Variants in NUDT3 observed in about 807,000 individuals in gnomAD.
The protein encoded by NUDT3 is diphosphoinositol polyphosphate phosphohydrolase 1.
In NUDT3, 9 loss-of-function variants were observed where a neutral mutation model predicts 23.6. The observed-to-expected ratio is 0.38, with a 90% CI of 0.23 to 0.66. NUDT3 has a LOEUF of 0.66. Ranked by LOEUF, NUDT3 falls within the 30% of genes least tolerant of loss-of-function variation. The pLI is 0.52. For missense variants in NUDT3, 172 were observed against 218.5 expected, an observed-to-expected ratio of 0.79 and a Z score of 1.34; for synonymous variants, 86 against 82.6, an observed-to-expected ratio of 1.04 and a Z score of -0.22.
Position 34,280,817 on chromosome 6 carries a change from G to A in NUDT3, c.*7936C>T, listed in dbSNP as rs1763271652. 1 of 152,190 alleles carries A rather than the reference G, an allele frequency of 6.6e-6. No homozygotes were observed. The highest frequency in any genetic ancestry group is 6.5e-5 in the Admixed American group (1 of 15,282). 9.4% of individuals were successfully genotyped at this position (152,190 alleles called of 1,614,324 possible). On this transcript the variant is annotated 3_prime_UTR_variant, in exon 5 of 5. Coordinates refer to ENST00000607016, the MANE Select transcript of NUDT3 (RefSeq NM_006703.4). ...TGAGCCACTGTGTGATTCCCCAGGG[G>A]ACTGGTCCCTGGGTACATGGGTCCC...
At chr6:34,336,995 T>C (rs1764218014) in intron 2 of NUDT3, among the ~76,000 whole-genome samples, 1 of 152,206 alleles carries the variant, frequency 6.6e-6, no homozygotes, top group African/African-American at 2.4e-5. Flanking sequence ...AAAACATCTA[T>C]CAACATTTCA....
chr6:34,344,033 C>T (rs1764327777), intron 1 of NUDT3, among the ~76,000 whole-genome samples: 1 of 152,134 alleles, frequency 6.6e-6, no homozygotes, highest in South Asian at 2.1e-4. Context: ...AACCAAACAG[C>T]ATAAGAAGTG....
rs1268010178 is a variant in NUDT3, at chr6:34,297,755, A to T, written c.211-2070T>A. 2.4e-3 allele frequency among the ~76,000 whole-genome samples: 216 copies of T among 90,364 alleles called. 4 individuals carry two copies. The highest frequency in any genetic ancestry group is 7.1e-3 in the South Asian group (20 of 2,804). 59.3% of individuals were successfully genotyped at this position (90,364 alleles called of 152,430 possible). On this transcript the variant is annotated intron_variant, in intron 2 of 4. Transcript: ENST00000607016. ...AATATATATATATATATATATATAT[A>T]TATAATTTTTTTTTTTTTTTTAGTA...
At chr6:34,317,373 G>C (rs1461977037) in intron 2 of NUDT3, among the ~76,000 whole-genome samples, 1 of 151,790 alleles carries the variant, frequency 6.6e-6, no homozygotes, top group East Asian at 1.9e-4. Flanking sequence ...AAAGCCTCCA[G>C]ATTGGGAGAG....
Position 34,341,930 on chromosome 6 carries a change from C to T in NUDT3, c.142G>A (p.Val48Ile). 1 of 1,614,096 alleles carries T rather than the reference C, an allele frequency of 6.2e-7. No individual in the cohort carries two copies. Among genetic ancestry groups the T allele is most frequent in the Non-Finnish European group, 8.5e-7 (1 of 1,179,974 alleles). ...SSSRHPDRWI[V>I]PGGGMEPEEE... ...TCGGGCTCCATGCCTCCTCCAGGGA[C>T]AATCCATCTGTCTGGATGGCGACTA... The change falls in exon 2 of 5, where the codon GTC becomes ATC. Residue 48 changes from valine to isoleucine, a missense_variant. Val to Ile is a conservative substitution (Grantham distance 29, BLOSUM62 3). This residue lies in a region of NUDT3 where 59 missense variants were observed against 107.4 expected (regional missense o/e 0.55). Transcript: ENST00000607016.
chr6:34,327,157 A>AG (rs1047486617), intron 2 of NUDT3, among the ~76,000 whole-genome samples: 1 of 152,086 alleles, frequency 6.6e-6, no homozygotes, highest in Non-Finnish European at 1.5e-5. Flanking sequence ...ATCATAGGAC[A>AG]GGGGGCCCTT....
intron 2 of NUDT3, among the ~76,000 whole-genome samples, chr6:34,337,939 A>G (rs1357597719): frequency 3.9e-5 from 6 of 152,230 alleles, no homozygotes; most frequent in Non-Finnish European, 1.5e-5. Context: ...AGCACCTTAG[A>G]ACCTACAGAA....
At chr6:34,358,262 C>CACACAT (rs1554156405) in intron 1 of NUDT3, among the ~76,000 whole-genome samples, 2 of 148,436 alleles carry the variant, frequency 1.3e-5, no homozygotes, top group African/African-American at 5.0e-5. Context: ...GTAGTTTACA[C>CACACAT]ACACACACAC....
intron 3 of NUDT3, among the ~76,000 whole-genome samples, chr6:34,294,964 C>T (rs977234737): frequency 2.0e-5 from 3 of 151,984 alleles, no homozygotes; most frequent in Non-Finnish European, 4.4e-5. Context: ...CTCACTTTTC[C>T]CTGCCTTCTT....
chr6:34,321,455 T>A (rs761786510), intron 2 of NUDT3, among the ~76,000 whole-genome samples: 6 of 151,822 alleles, frequency 4.0e-5, no homozygotes, highest in Non-Finnish European at 7.4e-5. Context: ...ATAATAATAA[T>A]AAAATAATAA....
chr6:34,341,993 C>T, intron 1 of NUDT3, 21 bp from the exon 2 acceptor site: 1 of 1,601,414 alleles, frequency 6.2e-7, no homozygotes. Flanking sequence ...ACAAAGGTTG[C>T]ATGGGGGGGT....
intron 1 of NUDT3, among the ~76,000 whole-genome samples, chr6:34,361,298 G>C (rs1764647315): frequency 1.3e-5 from 2 of 152,100 alleles, no homozygotes; most frequent in African/African-American, 2.4e-5. Context: ...ATGTCAACAG[G>C]GAAATGCGAA....
At position 34,341,878 on chromosome 6, in the gene NUDT3, C is replaced by A; in HGVS notation, c.194G>T (p.Arg65Leu). 1 of 1,613,902 alleles carries A rather than the reference C, an allele frequency of 6.2e-7. No homozygotes were observed. The highest frequency in any genetic ancestry group is 8.5e-7 in the Non-Finnish European group (1 of 1,179,818). ...PEEEPSVAAV[R>L]EVCEEAGVKG... is the part of the protein sequence containing the mutation. Reference sequence around the variant, plus strand: ...CATGCATACCTCCTCACAGACTTCACGAACTGCTGCCACACTTGGCTCCTC... The same window carrying A: ...CATGCATACCTCCTCACAGACTTCAAGAACTGCTGCCACACTTGGCTCCTC... Residue 65 changes from arginine (R) to leucine (L), a missense_variant, in exon 2 of 5, where the codon CGT becomes CTT. By Grantham distance (102) the Arg-to-Leu change is moderately radical (BLOSUM62 -2). Coordinates refer to ENST00000607016, the MANE Select transcript of NUDT3 (RefSeq NM_006703.4).
chr6:34,326,728 C>T (rs2113722383), intron 2 of NUDT3, among the ~76,000 whole-genome samples: 2 of 151,888 alleles, frequency 1.3e-5, no homozygotes, highest in East Asian at 3.9e-4. Flanking sequence ...AGCCTCCCGA[C>T]TAACTGGGAT....
At chr6:34,385,029 C>CA (rs55719137) in intron 1 of NUDT3, among the ~76,000 whole-genome samples, 3,571 of 110,692 alleles carry the variant, frequency 0.032, 63 homozygotes, top group Non-Finnish European at 0.048. Flanking sequence ...ACCCTGCCTC[C>CA]AAAAAAAAAA....
At chr6:34,295,790 C>T (rs1369574744) in intron 2 of NUDT3, 105 bp from the exon 3 acceptor site, 3 of 1,421,664 alleles carry the variant, frequency 2.1e-6, no homozygotes, top group Admixed American at 3.9e-5. Flanking sequence ...AACAAGAGGA[C>T]ACAGCTTGGG....
rs1246094796 is a variant in NUDT3 at position 34,283,590 on chromosome 6, A to G, written c.*5163T>C. On this transcript the variant is annotated 3_prime_UTR_variant, in exon 5 of 5. Transcript: ENST00000607016. Reference sequence around the variant, plus strand: ...AGGTATCATTTTCTCAGATGCTCCAACTAGGCTTCTCACATCCCTCAAAGG... The same window carrying G: ...AGGTATCATTTTCTCAGATGCTCCAGCTAGGCTTCTCACATCCCTCAAAGG... 6.6e-6 allele frequency: 1 copy of G among 152,168 alleles called. No individual in the cohort carries two copies. Among genetic ancestry groups the G allele is most frequent in the Non-Finnish European group, 1.5e-5 (1 of 68,020 alleles). The allele number at this position is 152,168 out of a possible 1,614,324, so 9.4% of individuals were successfully genotyped here. A position where few individuals can be genotyped will look rare whatever the true frequency, so the allele number is the denominator to read the frequency against.
chr6:34,294,685 C>G (rs1272116458), intron 3 of NUDT3, among the ~76,000 whole-genome samples: 2 of 150,682 alleles, frequency 1.3e-5, no homozygotes, highest in Admixed American at 1.3e-4. Context: ...GACATCGCAC[C>G]ATTGCACTCC....
chr6:34,368,411 G>A (rs1368708430), intron 1 of NUDT3, among the ~76,000 whole-genome samples: 1 of 152,194 alleles, frequency 6.6e-6, no homozygotes, highest in Non-Finnish European at 1.5e-5. Context: ...GCACAGGCCA[G>A]GAGACCTCAT....
Sources: allele counts gnomAD v4.1 joint callset (sites outside exome capture counted in the v4.1 genomes callset), GRCh38; gene constraint gnomAD v4.1.1; regional missense constraint gnomAD v4.1.1; transcripts MANE v1.5; gene names NCBI Gene and HGNC (gene_info 2026-07-23, HGNC 2026-07-21).